The following XRRA1 variants were observed in gnomAD, a reference collection of about 807,000 sequenced individuals.
XRRA1 encodes the protein X-ray radiation resistance associated 1.
In XRRA1, 69 loss-of-function variants were observed where a neutral mutation model predicts 80.2. The observed-to-expected ratio is 0.86, with a 90% CI of 0.71 to 1.05. The LOEUF (loss-of-function observed/expected upper bound fraction) is 1.05, where lower values mean the gene tolerates loss of function less well. Ranked by LOEUF, XRRA1 falls within the 50% of genes least tolerant of loss-of-function variation. The pLI, the probability that XRRA1 is intolerant of heterozygous loss-of-function variation, is 0.00. For synonymous variants in XRRA1, 348 were observed against 389.9 expected (o/e 0.89, Z 1.27); for missense variants, 967 against 976.4 (o/e 0.99, Z 0.13).
At chr11:74,911,856 T>C (rs1565388275) in intron 8 of XRRA1, among the ~76,000 whole-genome samples, 1 of 152,242 alleles carries the variant, frequency 6.6e-6, no homozygotes. Flanking sequence ...AACTGAACTA[T>C]GGTTTAACAG....
chr11:74,892,054 C>G (rs901185265), intron 10 of XRRA1, among the ~76,000 whole-genome samples: 5 of 152,152 alleles, frequency 3.3e-5, no homozygotes, highest in African/African-American at 1.2e-4. Flanking sequence ...GAAAAAACTA[C>G]TTTAAAGTTC....
chr11:74,919,667 C>T (rs1940030269), intron 8 of XRRA1: 1 of 548,090 alleles, frequency 1.8e-6, no homozygotes, highest in South Asian at 1.5e-5. Context: ...AATACACCAT[C>T]AACATTCACA....
At chr11:74,853,118 T>A (rs923091822) in intron 12 of XRRA1, among the ~76,000 whole-genome samples, 14 of 152,192 alleles carry the variant, frequency 9.2e-5, no homozygotes, top group Non-Finnish European at 1.5e-5. Context: ...GAGAGCACTG[T>A]CTAGTGGGAA....
intron 8 of XRRA1, among the ~76,000 whole-genome samples, chr11:74,910,310 AAAAG>A (rs1314097495): frequency 3.9e-5 from 6 of 152,180 alleles, no homozygotes; most frequent in African/African-American, 1.4e-4. Flanking sequence ...TATAGTGACT[AAAAG>A]AAAGGAGGTA....
Position 74,943,569 on chromosome 11 carries a change from CAGAG to C in XRRA1, c.-5+1445_-5+1448del, listed in dbSNP as rs141326220. On this transcript the variant is annotated intron_variant, in intron 2 of 18. Coordinates refer to ENST00000684022, the MANE Select transcript of XRRA1 (RefSeq NM_001378157.1). ...TGTGTGTGTGTGTGTGTGTATGTGTCAGAGAGAGAGAGAGAGAGAGTGCACCTGC... is the reference window on the plus strand; with the variant it reads ...TGTGTGTGTGTGTGTGTGTATGTGTCAGAGAGAGAGAGAGAGTGCACCTGC... 4.9e-3 allele frequency among the ~76,000 whole-genome samples: 428 copies of C among 86,568 alleles called. 2 individuals carry two copies. The highest frequency in any genetic ancestry group is 4.4e-3 in the Non-Finnish European group (174 of 39,628). 56.8% of individuals were successfully genotyped at this position (86,568 alleles called of 152,430 possible).
At chr11:74,868,070 C>T (rs1006341693) in intron 10 of XRRA1, among the ~76,000 whole-genome samples, 5 of 152,086 alleles carry the variant, frequency 3.3e-5, no homozygotes, top group Admixed American at 6.6e-5. Context: ...TACAAGCATG[C>T]GTCACCGCAC....
At chr11:74,867,915 A>AGCTT (rs2043801852) in intron 10 of XRRA1, among the ~76,000 whole-genome samples, 1 of 39,508 alleles carries the variant, frequency 2.5e-5, no homozygotes, top group Non-Finnish European at 5.1e-5. Context: ...CCTATAGTCA[A>AGCTT]TCTTTTTTTT....
intron 10 of XRRA1, among the ~76,000 whole-genome samples, chr11:74,893,643 C>G (rs1184843430): frequency 6.6e-6 from 1 of 150,392 alleles, no homozygotes; most frequent in Non-Finnish European, 1.5e-5. Context: ...AAAAAATGCT[C>G]AACATCACTA....
At chr11:74,866,073 T>C (rs560631088) in intron 10 of XRRA1, among the ~76,000 whole-genome samples, 2 of 152,216 alleles carry the variant, frequency 1.3e-5, no homozygotes, top group South Asian at 4.1e-4. Flanking sequence ...AAATACCTAA[T>C]ATTTCAAGGC....
At chr11:74,887,538 C>T (rs954781005) in intron 10 of XRRA1, among the ~76,000 whole-genome samples, 5 of 152,122 alleles carry the variant, frequency 3.3e-5, no homozygotes, top group Admixed American at 6.5e-5. Flanking sequence ...AACTGAGGTA[C>T]GGGGTTCATC....
chr11:74,947,927 G>T (rs1947935466), intron 1 of XRRA1, among the ~76,000 whole-genome samples: 1 of 152,198 alleles, frequency 6.6e-6, no homozygotes, highest in South Asian at 2.1e-4. Context: ...GTTTCACCAT[G>T]TTGGCCAGGC....
At position 74,859,274 on chromosome 11, in the gene XRRA1, T is replaced by A. The variant is rs1334678899; in HGVS notation, c.1054A>T (p.Ile352Leu). ...TCGAATATGGGAGGAAGTGAACATA[T>A]CTTGGTTGTCTTAGAAAGAAGGAAA... The part of the protein sequence containing the change: ...PGFSTSETTK[I>L]CSLPPIFEIL... Residue 352 changes from isoleucine (I) to leucine (L), a missense_variant, in exon 12 of 19, where the codon ATA becomes TTA. By Grantham distance (5) the Ile-to-Leu change is conservative. Transcript: ENST00000684022. 2.5e-6 allele frequency: 4 copies of A among 1,604,606 alleles called. No homozygotes were observed. The highest frequency in any genetic ancestry group is 2.5e-6 in the Non-Finnish European group (3 of 1,176,744).
At position 74,924,911 on chromosome 11, in the gene XRRA1, C is replaced by G. The variant is rs182257442; in HGVS notation, c.522+2480G>C. Among the ~76,000 whole-genome samples the G allele has an allele frequency of 8.9e-3, 1,352 of 152,296 alleles. 16 individuals are homozygous for G. Among genetic ancestry groups the G allele is most frequent in the Non-Finnish European group, 0.014 (939 of 68,020 alleles). On this transcript the variant is annotated intron_variant, in intron 7 of 18. Coordinates refer to ENST00000684022, the MANE Select transcript of XRRA1 (RefSeq NM_001378157.1). Reference sequence around the variant, plus strand: ...CATTTCTCATTTGTTTACATATTGTCTATGGCTGTTTTCCATTATACAACA... The same window carrying G: ...CATTTCTCATTTGTTTACATATTGTGTATGGCTGTTTTCCATTATACAACA...
chr11:74,866,465 A>AG (rs1333786300), intron 10 of XRRA1, among the ~76,000 whole-genome samples: 1 of 152,228 alleles, frequency 6.6e-6, no homozygotes, highest in East Asian at 1.9e-4. Flanking sequence ...TTTGTTGCCC[A>AG]GGCTGGTCTT....
chr11:74,885,329 C>T (rs1046560424), intron 10 of XRRA1, among the ~76,000 whole-genome samples: 4 of 152,022 alleles, frequency 2.6e-5, no homozygotes, highest in African/African-American at 7.3e-5. Flanking sequence ...GAGATAGAGA[C>T]TGCTAGCTAG....
intron 10 of XRRA1, among the ~76,000 whole-genome samples, chr11:74,896,060 G>A (rs947753813): frequency 3.3e-5 from 5 of 152,244 alleles, no homozygotes; most frequent in African/African-American, 4.8e-5. Flanking sequence ...GGCCTGAGAT[G>A]TCCTGGCTTC....
chr11:74,854,149 T>C (rs1351724186), intron 12 of XRRA1, among the ~76,000 whole-genome samples: 2 of 152,216 alleles, frequency 1.3e-5, no homozygotes, highest in Non-Finnish European at 2.9e-5. Context: ...TGGGTATGTG[T>C]ATGTTGGCGG....
At chr11:74,912,659 T>C (rs1295044473) in intron 8 of XRRA1, among the ~76,000 whole-genome samples, 1 of 152,252 alleles carries the variant, frequency 6.6e-6, no homozygotes, top group Non-Finnish European at 1.5e-5. Flanking sequence ...ATTAGTGATG[T>C]AGATCACCAG....
chr11:74,936,931 C>G lies in XRRA1; in HGVS notation c.232G>C (p.Glu78Gln). 1 of 1,613,822 alleles carries G rather than the reference C, an allele frequency of 6.2e-7. No homozygotes were observed. The highest frequency in any genetic ancestry group is 8.5e-7 in the Non-Finnish European group (1 of 1,179,856). The stretch of plus-strand genomic sequence containing the variant: ...TGTCCAGGAAGGTCCACCTGATTTT[C>G]CCGCCGAGACTCTTTCTTCCCCTTG... ...EFKGKKESRR[E>Q]NQVDLPGHIL... Residue 78 changes from glutamate to glutamine, a missense_variant, in exon 4 of 19, where the codon GAA becomes CAA. By Grantham distance (29) the Glu-to-Gln change is conservative. Coordinates refer to ENST00000684022, the MANE Select transcript of XRRA1 (RefSeq NM_001378157.1).
Sources: allele counts gnomAD v4.1 joint callset (sites outside exome capture counted in the v4.1 genomes callset), GRCh38; gene constraint gnomAD v4.1.1; transcripts MANE v1.5; gene names NCBI Gene and HGNC (gene_info 2026-07-23, HGNC 2026-07-21).